SEC14L1: variants seen among roughly 807,000 people sequenced by gnomAD.
SEC14L1 encodes the protein SEC14-like protein 1.
A neutral mutation model predicts 85.3 loss-of-function variants in SEC14L1; 48 were observed. The ratio of observed to expected loss-of-function variants is 0.56; its 90% confidence interval spans 0.45 to 0.72. The LOEUF (loss-of-function observed/expected upper bound fraction) is 0.72. Among genes scored for constraint, SEC14L1 ranks in the 30% least tolerant of loss-of-function variants. SEC14L1 has a pLI of 0.00. For synonymous variants in SEC14L1, 391 were observed against 355.5 expected, an observed-to-expected ratio of 1.10 and a Z score of -1.12; for missense variants, 682 against 921.4, an observed-to-expected ratio of 0.74 and a Z score of 3.36.
chr17:77,105,238 C>G (rs1220337459), intron 3 of SEC14L1, among the ~76,000 whole-genome samples: 1 of 151,986 alleles, frequency 6.6e-6, no homozygotes, highest in Non-Finnish European at 1.5e-5. Flanking sequence ...TCCTTTCACG[C>G]CTTCAACTGG....
At chr17:77,109,977 C>G (rs1972011558) in intron 3 of SEC14L1, among the ~76,000 whole-genome samples, 1 of 152,154 alleles carries the variant, frequency 6.6e-6, no homozygotes, top group African/African-American at 2.4e-5. Context: ...CCACTGGACT[C>G]CCCCATGCTT....
intron 3 of SEC14L1, among the ~76,000 whole-genome samples, chr17:77,161,739 ACAAC>A (rs1358112421): frequency 7.8e-6 from 1 of 127,968 alleles, no homozygotes; most frequent in African/African-American, 2.9e-5. Context: ...TTTTTTTTAA[ACAAC>A]CAGAGGTTAA....
intron 3 of SEC14L1, among the ~76,000 whole-genome samples, chr17:77,125,131 A>G (rs1972408463): frequency 6.6e-6 from 1 of 151,566 alleles, no homozygotes; most frequent in South Asian, 2.1e-4. Flanking sequence ...CAGCCTCCCA[A>G]GCAGCTGGGA....
At chr17:77,114,052 G>C (rs1461301934) in intron 3 of SEC14L1, among the ~76,000 whole-genome samples, 1 of 152,180 alleles carries the variant, frequency 6.6e-6, no homozygotes, top group Non-Finnish European at 1.5e-5. Context: ...GCTGCTAAAT[G>C]CGGGTGCAAA....
chr17:77,096,506 G>A (rs1447488060), intron 3 of SEC14L1, among the ~76,000 whole-genome samples: 5 of 151,412 alleles, frequency 3.3e-5, no homozygotes, highest in East Asian at 1.9e-4. Context: ...GCAGTGAGCC[G>A]AGATAGCGCC....
At chr17:77,100,611 ATT>A (rs1971756878) in intron 3 of SEC14L1, among the ~76,000 whole-genome samples, 1 of 150,858 alleles carries the variant, frequency 6.6e-6, no homozygotes, top group Non-Finnish European at 1.5e-5. Flanking sequence ...TAATTTTTGT[ATT>A]TTTAGTAGAG....
At chr17:77,091,656 G>C (rs947606707) in intron 2 of SEC14L1, among the ~76,000 whole-genome samples, 1 of 152,210 alleles carries the variant, frequency 6.6e-6, no homozygotes. Flanking sequence ...GCATTAGAGG[G>C]AGCAGTGCCA....
chr17:77,108,306 G>A (rs148180379), intron 3 of SEC14L1, among the ~76,000 whole-genome samples: 1 of 152,138 alleles, frequency 6.6e-6, no homozygotes, highest in African/African-American at 2.4e-5. Context: ...GTTCTGTCCG[G>A]CAGGAAGCCC....
At chr17:77,111,643 C>T (rs1007730122) in intron 3 of SEC14L1, among the ~76,000 whole-genome samples, 2 of 152,086 alleles carry the variant, frequency 1.3e-5, no homozygotes, top group South Asian at 4.1e-4. Flanking sequence ...TAATGACTGC[C>T]CTATTAGATT....
At chr17:77,197,798 G>C (rs1484109064) in intron 8 of SEC14L1, among the ~76,000 whole-genome samples, 2 of 152,092 alleles carry the variant, frequency 1.3e-5, no homozygotes, top group Non-Finnish European at 2.9e-5. Flanking sequence ...AGAGAACAGG[G>C]TTCCACCATG....
chr17:77,097,791 C>T (rs1045698219), intron 3 of SEC14L1, among the ~76,000 whole-genome samples: 1 of 152,076 alleles, frequency 6.6e-6, no homozygotes, highest in African/African-American at 2.4e-5. Flanking sequence ...CATACTCCCT[C>T]CTCTCAGAGA....
Position 77,215,677 on chromosome 17 carries a change from C to G in SEC14L1, c.*1654C>G. On this transcript the variant is annotated 3_prime_UTR_variant, in exon 17 of 17. Transcript: ENST00000436233. ...GTGTTTGCTCTTAGAGATCGAGCTC[C>G]TCAGTGGTACCTGAAGCCTTTGCTT... The G allele has an allele frequency of 1.0e-6, 1 of 993,642 alleles. No individual in the cohort carries two copies. The highest frequency in any genetic ancestry group is 1.2e-6 in the Non-Finnish European group (1 of 833,940). 61.6% of individuals were successfully genotyped at this position (993,642 alleles called of 1,614,324 possible).
chr17:77,096,579 A>C (rs1971653209), intron 3 of SEC14L1, among the ~76,000 whole-genome samples: 2 of 151,972 alleles, frequency 1.3e-5, no homozygotes, highest in South Asian at 2.1e-4. Flanking sequence ...ACCGTGGGAC[A>C]CAAGCCCTGT....
chr17:77,214,117 A>G lies in SEC14L1; in HGVS notation c.*94A>G. 1 of 1,520,726 alleles carries G rather than the reference A, an allele frequency of 6.6e-7. No individual in the cohort carries two copies. The highest frequency in any genetic ancestry group is 1.3e-5 in the South Asian group (1 of 77,684). 94.2% of individuals were successfully genotyped at this position (1,520,726 alleles called of 1,614,324 possible). ...CCCACCCAGCGGCGACATTGTACAG[A>G]CTCCTCTCACCTCTAGATAGCAAAT... is the stretch of plus-strand genomic sequence containing the variant. On this transcript the variant is annotated 3_prime_UTR_variant, in exon 17 of 17. Transcript: ENST00000436233.
rs1247004246 is a variant in SEC14L1 at position 77,216,318 on chromosome 17, AGTAG to A, written c.*2301_*2304del. 4.0e-6 allele frequency: 5 copies of A among 1,264,686 alleles called. No homozygotes were observed. Among genetic ancestry groups the A allele is most frequent in the East Asian group, 7.0e-5 (2 of 28,716 alleles). The allele number at this position is 1,264,686 out of a possible 1,614,324, so 78.3% of individuals were successfully genotyped here. On this transcript the variant is annotated 3_prime_UTR_variant, in exon 17 of 17. Coordinates refer to ENST00000436233, the MANE Select transcript of SEC14L1 (RefSeq NM_001143998.2). The stretch of plus-strand genomic sequence containing the variant: ...GTAGGTAGGGCTAGTAGGTAGGGCT[AGTAG>A]GTAGGGCTAGTAGGTAGGGTTAGTA...
chr17:77,145,157 GT>G (rs1297488968), intron 3 of SEC14L1: 2 of 126,896 alleles, frequency 1.6e-5, no homozygotes, highest in Non-Finnish European at 1.7e-5. Flanking sequence ...ATATATATTT[GT>G]TTTGTTTTGT....
intron 3 of SEC14L1, among the ~76,000 whole-genome samples, chr17:77,157,559 G>A (rs1048286097): frequency 6.2e-4 from 93 of 150,880 alleles, no homozygotes; most frequent in African/African-American, 1.9e-3. Context: ...ATGGGGCCTC[G>A]CTGCGTTGCC....
At chr17:77,142,136 T>C (rs1973080889) in intron 1 of SEC14L1, among the ~76,000 whole-genome samples, 1 of 152,172 alleles carries the variant, frequency 6.6e-6, no homozygotes, top group African/African-American at 2.4e-5. Context: ...GGAAGTCAAA[T>C]GGCTTACTCG....
intron 13 of SEC14L1, among the ~76,000 whole-genome samples, chr17:77,209,039 C>G (rs1379197067): frequency 6.6e-6 from 1 of 152,128 alleles, no homozygotes; most frequent in East Asian, 1.9e-4. Context: ...ATAAATACCC[C>G]TAATGCTTAT....
Sources: allele counts gnomAD v4.1 joint callset (sites outside exome capture counted in the v4.1 genomes callset), GRCh38; gene constraint gnomAD v4.1.1; transcripts MANE v1.5; gene names NCBI Gene and HGNC (gene_info 2026-07-23, HGNC 2026-07-21).